The following ERC2 variants were observed in gnomAD, a reference collection of about 807,000 sequenced individuals.
ERC2 encodes ELKS/RAB6-interacting/CAST family member 2, also known as ERC protein 2.
ERC2 carries 42 observed loss-of-function variants against 114.8 expected under a neutral mutation model. The ratio of observed to expected loss-of-function variants is 0.37; its 90% CI spans 0.29 to 0.47. ERC2 has a LOEUF of 0.47. Ranked by LOEUF, ERC2 falls within the 20% of genes least tolerant of loss-of-function variation. ERC2 has a pLI of 0.99. For missense variants in ERC2, 939 were observed against 1,150.7 expected, an observed-to-expected ratio of 0.82 and a Z score of 2.66; for synonymous variants, 454 against 425.5, an observed-to-expected ratio of 1.07 and a Z score of -0.82.
At chr3:55,889,489 T>G (rs2149321578) in intron 13 of ERC2, among the ~76,000 whole-genome samples, 1 of 152,272 alleles carries the variant, frequency 6.6e-6, no homozygotes, top group South Asian at 2.1e-4. Flanking sequence ...TCCACGGTTT[T>G]CAGCCAGGTC....
At chr3:56,445,234 TC>T (rs1282393784) in intron 1 of ERC2, among the ~76,000 whole-genome samples, 1 of 152,202 alleles carries the variant, frequency 6.6e-6, no homozygotes, top group African/African-American at 2.4e-5. Flanking sequence ...TATCTTATAT[TC>T]AGTCTGATTC....
chr3:55,942,396 C>A (rs2066864649), intron 13 of ERC2, among the ~76,000 whole-genome samples: 1 of 145,256 alleles, frequency 6.9e-6, no homozygotes. Context: ...TCACGCCATT[C>A]TCCTACCTCA....
At chr3:56,164,442 G>A (rs1420550803) in intron 4 of ERC2, among the ~76,000 whole-genome samples, 2 of 151,992 alleles carry the variant, frequency 1.3e-5, no homozygotes, top group Non-Finnish European at 2.9e-5. Flanking sequence ...ACTTTTTGTT[G>A]ATGAATAATA....
chr3:55,650,994 T>A (rs2060597266), intron 17 of ERC2, among the ~76,000 whole-genome samples: 1 of 148,840 alleles, frequency 6.7e-6, no homozygotes, highest in Non-Finnish European at 1.5e-5. Context: ...ATTACAGGCA[T>A]CCGCCATCAC....
intron 14 of ERC2, among the ~76,000 whole-genome samples, chr3:55,859,458 GTGTAGGA>G (rs943155502): frequency 4.6e-5 from 7 of 152,074 alleles, no homozygotes; most frequent in African/African-American, 1.7e-4. Flanking sequence ...TGGGGCAGGG[GTGTAGGA>G]TGACCTTAAG....
chr3:56,218,882 C>T (rs1266674403), intron 3 of ERC2, among the ~76,000 whole-genome samples: 5 of 152,014 alleles, frequency 3.3e-5, no homozygotes, highest in Non-Finnish European at 7.4e-5. Context: ...AGCAAACTAT[C>T]GCAAGGACAA....
At chr3:55,872,807 T>C (rs1211505491) in intron 14 of ERC2, among the ~76,000 whole-genome samples, 1 of 152,192 alleles carries the variant, frequency 6.6e-6, no homozygotes, top group African/African-American at 2.4e-5. Context: ...AAAACTCTAC[T>C]AGTGCCACTA....
intron 6 of ERC2, among the ~76,000 whole-genome samples, chr3:56,127,240 T>C (rs1428061994): frequency 6.6e-6 from 1 of 152,160 alleles, no homozygotes; most frequent in Non-Finnish European, 1.5e-5. Flanking sequence ...AAAATCTCCA[T>C]ACTACCCAAA....
chr3:55,599,358 C>T (rs535940053), intron 17 of ERC2, among the ~76,000 whole-genome samples: 1 of 152,218 alleles, frequency 6.6e-6, no homozygotes, highest in South Asian at 2.1e-4. Context: ...ACCTGATGAT[C>T]GACAGCTACT....
intron 13 of ERC2, among the ~76,000 whole-genome samples, chr3:55,915,624 G>C (rs2065050225): frequency 6.6e-6 from 1 of 152,154 alleles, no homozygotes; most frequent in Non-Finnish European, 1.5e-5. Flanking sequence ...GATCCTTATG[G>C]ATGTCAATAC....
intron 2 of ERC2, among the ~76,000 whole-genome samples, chr3:56,322,524 C>T (rs2150426201): frequency 6.6e-6 from 1 of 152,262 alleles, no homozygotes; most frequent in African/African-American, 2.4e-5. Flanking sequence ...CTTCTACTTC[C>T]AGCCAAGATG....
At position 56,434,823 on chromosome 3, in the gene ERC2, A is replaced by G. The variant is rs2061947143; in HGVS notation, c.185T>C (p.Met62Thr). The G allele has an allele frequency of 3.7e-6, 6 of 1,613,864 alleles. 1 individual carries two copies. Among genetic ancestry groups the G allele is most frequent in the South Asian group, 3.3e-5 (3 of 91,068 alleles). ...LNAAYATSGP[M>T]YLSDHEGVAS... ...CACCCCTTCATGATCACTCAGATAC[A>G]TGGGTCCAGACGTAGCATAGGCTGC... Residue 62 changes from methionine (M) to threonine (T), a missense_variant, in exon 2 of 18, where the codon ATG becomes ACG. Physicochemically the swap from Met to Thr is moderately conservative, Grantham distance 81. Transcript: ENST00000288221.
At chr3:55,564,713 T>C (rs561549837) in intron 17 of ERC2, among the ~76,000 whole-genome samples, 1 of 152,312 alleles carries the variant, frequency 6.6e-6, no homozygotes, top group Admixed American at 6.5e-5. Flanking sequence ...CTGCAAATAG[T>C]TTCTAAGAAG....
At chr3:55,550,437 G>A (rs1222998303) in intron 17 of ERC2, among the ~76,000 whole-genome samples, 2 of 152,216 alleles carry the variant, frequency 1.3e-5, no homozygotes, top group Non-Finnish European at 2.9e-5. Flanking sequence ...CACCAGGGAT[G>A]ATGTGCAGTA....
At chr3:55,767,520 C>G (rs990851870) in intron 14 of ERC2, among the ~76,000 whole-genome samples, 2 of 152,182 alleles carry the variant, frequency 1.3e-5, no homozygotes, top group Non-Finnish European at 2.9e-5. Context: ...TCTCTCTCAA[C>G]CCAGTTTCCC....
At chr3:56,412,206 G>T (rs1030618333) in intron 2 of ERC2, among the ~76,000 whole-genome samples, 11 of 152,216 alleles carry the variant, frequency 7.2e-5, no homozygotes, top group Non-Finnish European at 1.5e-4. Flanking sequence ...GCCAAGGGCT[G>T]CTGGCAGCCA....
At chr3:56,087,915 A>C (rs1281209779) in intron 6 of ERC2, among the ~76,000 whole-genome samples, 1 of 152,180 alleles carries the variant, frequency 6.6e-6, no homozygotes, top group Non-Finnish European at 1.5e-5. Flanking sequence ...CAAAGACACA[A>C]ACACTAAAAA....
intron 14 of ERC2, among the ~76,000 whole-genome samples, chr3:55,790,542 GC>G (rs2069916855): frequency 6.6e-6 from 1 of 152,176 alleles, no homozygotes; most frequent in South Asian, 2.1e-4. Flanking sequence ...CAGGCCAGGA[GC>G]ACCAGAAGTT....
intron 17 of ERC2, among the ~76,000 whole-genome samples, chr3:55,625,361 C>T (rs1190725589): frequency 3.3e-5 from 4 of 119,410 alleles, no homozygotes; most frequent in African/African-American, 6.6e-5. Flanking sequence ...AGTGAGACTC[C>T]GACTCAAAAA....
Sources: allele counts gnomAD v4.1 joint callset (sites outside exome capture counted in the v4.1 genomes callset), GRCh38; gene constraint gnomAD v4.1.1; transcripts MANE v1.5; gene names NCBI Gene and HGNC (gene_info 2026-07-23, HGNC 2026-07-21).